Variants in RALGPS1 observed in about 807,000 individuals in gnomAD.
The protein encoded by RALGPS1 is ras-specific guanine nucleotide-releasing factor RalGPS1.
A neutral mutation model predicts 78.8 loss-of-function variants in RALGPS1; 19 were observed. The ratio of observed to expected loss-of-function variants is 0.24; its 90% CI spans 0.17 to 0.35. The LOEUF (loss-of-function observed/expected upper bound fraction) is 0.35, where lower values mean the gene tolerates loss of function less well. Ranked by LOEUF, RALGPS1 falls within the 10% of genes least tolerant of loss-of-function variation. The pLI is 1.00. For synonymous variants in RALGPS1, 228 were observed against 256.3 expected, an observed-to-expected ratio of 0.89 and a Z score of 1.06; for missense variants, 454 against 688.3, an observed-to-expected ratio of 0.66 and a Z score of 3.81.
chr9:126,958,158 T>TATATATATATATATATATACAC (rs1345241110), intron 1 of RALGPS1, among the ~76,000 whole-genome samples: 8 of 121,066 alleles, frequency 6.6e-5, no homozygotes, highest in Admixed American at 1.8e-4. Flanking sequence ...TATATATATA[T>TATATATATATATATATATACAC]ACACACACAC....
chr9:126,971,096 AC>A (rs1289864920), intron 3 of RALGPS1, among the ~76,000 whole-genome samples: 18 of 152,322 alleles, frequency 1.2e-4, no homozygotes, highest in African/African-American at 4.3e-4. Flanking sequence ...AAGGGAGGAA[AC>A]TTTTTCACAT....
intron 1 of RALGPS1, among the ~76,000 whole-genome samples, chr9:126,959,190 T>G (rs1047670734): frequency 1.3e-5 from 2 of 152,052 alleles, no homozygotes; most frequent in Non-Finnish European, 2.9e-5. Context: ...GCCTCCTAAG[T>G]AGCTGGGATT....
chr9:127,027,825 C>A (rs1465686528), intron 4 of RALGPS1, among the ~76,000 whole-genome samples: 2 of 152,176 alleles, frequency 1.3e-5, no homozygotes, highest in East Asian at 1.9e-4. Context: ...GGTTTGAATC[C>A]CAGTTCCAGC....
Position 127,083,882 on chromosome 9 carries a change from G to T in RALGPS1, c.610+14526G>T, listed in dbSNP as rs75883813. Among the ~76,000 whole-genome samples the T allele has an allele frequency of 2.7e-4, 41 of 152,260 alleles. No individual in the cohort carries two copies. The East Asian group carries it at 6.6e-3, about 24-fold the overall frequency. ...CTGACCAGCTGTGGAGGTCTGGAGT[G>T]GGGGAAGACAGATGGTCAGCTTGTT... On this transcript the variant is annotated intron_variant, in intron 8 of 18. Coordinates refer to ENST00000259351, the MANE Select transcript of RALGPS1 (RefSeq NM_014636.3).
intron 7 of RALGPS1, among the ~76,000 whole-genome samples, chr9:127,064,510 C>T (rs1398054695): frequency 6.6e-6 from 1 of 152,216 alleles, no homozygotes; most frequent in Admixed American, 6.5e-5. Flanking sequence ...AACTAACATT[C>T]GTCACTCATC....
chr9:127,034,852 G>T (rs911889545), intron 5 of RALGPS1, among the ~76,000 whole-genome samples: 1 of 151,960 alleles, frequency 6.6e-6, no homozygotes, highest in Non-Finnish European at 1.5e-5. Context: ...CCCTCCTCCT[G>T]GCCTTCCTTC....
At chr9:126,944,300 A>C (rs528064493) in intron 1 of RALGPS1, among the ~76,000 whole-genome samples, 5 of 152,266 alleles carry the variant, frequency 3.3e-5, no homozygotes, top group Non-Finnish European at 5.9e-5. Context: ...ACACTAATGG[A>C]TGTGGTCCTA....
At chr9:127,217,264 T>C in intron 18 of RALGPS1, 1 of 1,168,164 alleles carries the variant, frequency 8.6e-7, no homozygotes, top group South Asian at 4.0e-5. Context: ...ACTTTCCCCC[T>C]TTTTTATTTC....
At chr9:126,985,684 T>C (rs919383298) in intron 4 of RALGPS1, among the ~76,000 whole-genome samples, 2 of 152,222 alleles carry the variant, frequency 1.3e-5, no homozygotes, top group African/African-American at 4.8e-5. Flanking sequence ...TTTTACTTCT[T>C]GTCTTCTCTC....
chr9:127,114,300 A>G (rs771560559), intron 8 of RALGPS1, among the ~76,000 whole-genome samples: 3 of 152,162 alleles, frequency 2.0e-5, no homozygotes, highest in Non-Finnish European at 2.9e-5. Flanking sequence ...ATTTATCCCT[A>G]TTTGCAGTTG....
At chr9:127,035,119 C>G (rs2046756337) in intron 5 of RALGPS1, among the ~76,000 whole-genome samples, 1 of 152,184 alleles carries the variant, frequency 6.6e-6, no homozygotes, top group Admixed American at 6.5e-5. Flanking sequence ...GGCCTGGGAG[C>G]CCCATAAGCA....
At chr9:127,021,019 T>C (rs373598805) in intron 4 of RALGPS1, among the ~76,000 whole-genome samples, 121 of 152,358 alleles carry the variant, frequency 7.9e-4, no homozygotes, top group African/African-American at 2.7e-3. Context: ...GTAAATGTTA[T>C]TGTTTTTATT....
intron 1 of RALGPS1, among the ~76,000 whole-genome samples, chr9:126,934,788 C>T (rs1408279079): frequency 6.6e-6 from 1 of 152,136 alleles, no homozygotes; most frequent in Non-Finnish European, 1.5e-5. Flanking sequence ...CTTGGGCAAC[C>T]TCCCGTCAAC....
rs1231444057 is a variant in RALGPS1, at chr9:127,218,489, A to C, written c.1645-251A>C. 6.6e-6 allele frequency among the ~76,000 whole-genome samples: 1 copy of C among 152,184 alleles called. No individual in the cohort carries two copies. The highest frequency in any genetic ancestry group is 1.5e-5 in the Non-Finnish European group (1 of 68,030). ...GTTTCCTGTCTTTGTAATGAGGACG[A>C]TCCCAGTGCCTGCCCCAGGGGTTGA... On this transcript the variant is annotated intron_variant, in intron 18 of 18. Coordinates refer to ENST00000259351, the MANE Select transcript of RALGPS1 (RefSeq NM_014636.3). The surrounding 1 kb of genome is among the most constrained non-coding windows in gnomAD (Gnocchi z 4.4).
chr9:126,988,467 C>T (rs528234770), intron 4 of RALGPS1, among the ~76,000 whole-genome samples: 1 of 152,324 alleles, frequency 6.6e-6, no homozygotes, highest in Admixed American at 6.5e-5. Context: ...AGTGCAATGG[C>T]ATGATCATAG....
chr9:127,192,561 G>A (rs1465374139), intron 11 of RALGPS1, among the ~76,000 whole-genome samples: 2 of 152,186 alleles, frequency 1.3e-5, no homozygotes, highest in Admixed American at 6.5e-5. Flanking sequence ...GAGCTGACAG[G>A]GTTGCTTGAG....
chr9:127,198,488 G>A (rs1159045570), intron 13 of RALGPS1, among the ~76,000 whole-genome samples: 1 of 152,208 alleles, frequency 6.6e-6, no homozygotes, highest in Non-Finnish European at 1.5e-5. Context: ...GGAGGAATAG[G>A]GAGCAAAGCT....
chr9:127,028,433 G>T (rs1289864898), intron 4 of RALGPS1, among the ~76,000 whole-genome samples: 1 of 152,238 alleles, frequency 6.6e-6, no homozygotes, highest in African/African-American at 2.4e-5. Context: ...GTTCTGTGAG[G>T]ATAAAATGAG....
Position 127,108,592 on chromosome 9 carries a change from G to A in RALGPS1, c.610+39236G>A, listed in dbSNP as rs753891486. 24 of 1,613,344 alleles carry A rather than the reference G, an allele frequency of 1.5e-5. No homozygotes were observed. In the East Asian group the frequency reaches 1.8e-4, roughly 12 times the overall value. ...GGTGCACTTGTCCTGGGACTCGCCC[G>A]CCCGCTTGTACCTGTTTAGGTAAAT... On this transcript the variant is annotated intron_variant, in intron 8 of 18. Coordinates refer to ENST00000259351, the MANE Select transcript of RALGPS1 (RefSeq NM_014636.3).
Sources: allele counts gnomAD v4.1 joint callset (sites outside exome capture counted in the v4.1 genomes callset), GRCh38; gene constraint gnomAD v4.1.1; non-coding constraint Gnocchi (gnomAD v3.1); transcripts MANE v1.5; gene names NCBI Gene and HGNC (gene_info 2026-07-23, HGNC 2026-07-21).